GPC3: variants seen among roughly 807,000 people sequenced by gnomAD.
GPC3 encodes the protein glypican-3.
In GPC3, 3 loss-of-function variants were observed where a neutral mutation model predicts 34.4. The observed-to-expected ratio is 0.09, with a 90% CI of 0.04 to 0.23. The LOEUF (loss-of-function observed/expected upper bound fraction) is 0.23, where lower values mean the gene tolerates loss of function less well. Ranked by LOEUF, GPC3 falls within the 10% of genes least tolerant of loss-of-function variation. The pLI, the probability that GPC3 is intolerant of heterozygous loss-of-function variation, is 1.00. For missense variants in GPC3, 351 were observed against 445.6 expected, an observed-to-expected ratio of 0.79 and a Z score of 1.91; for synonymous variants, 177 against 174.0, an observed-to-expected ratio of 1.02 and a Z score of -0.13.
At chrX:133,909,991 C>G (rs1026983082) in intron 2 of GPC3, among the ~76,000 whole-genome samples, 5 of 111,476 alleles carry the variant, frequency 4.5e-5, no homozygotes, top group Non-Finnish European at 9.4e-5. Flanking sequence ...ATACTATGCC[C>G]AAAATGATTA....
chrX:133,714,208 C>T (rs1315167877), intron 3 of GPC3, among the ~76,000 whole-genome samples: 1 of 111,503 alleles, frequency 9.0e-6, no homozygotes, highest in Non-Finnish European at 1.9e-5. Flanking sequence ...CCAAATTTTC[C>T]TCAGTCAAAC....
chrX:133,688,262 C>T (rs1418988073), intron 5 of GPC3, among the ~76,000 whole-genome samples: 1 of 111,498 alleles, frequency 9.0e-6, no homozygotes, highest in Non-Finnish European at 1.9e-5. Context: ...CACATGGGCC[C>T]AGTTTGCTAA....
intron 3 of GPC3, among the ~76,000 whole-genome samples, chrX:133,716,475 C>CT (rs923144876): frequency 7.2e-5 from 8 of 111,112 alleles, no homozygotes; most frequent in South Asian, 7.5e-4. Context: ...ATAGAAATTA[C>CT]TTTTTTTTAA....
At chrX:133,547,940 T>C (rs112132580) in intron 7 of GPC3, among the ~76,000 whole-genome samples, 5,986 of 111,014 alleles carry the variant, frequency 0.054, 424 homozygotes, top group African/African-American at 0.19. Flanking sequence ...CGATTACAGG[T>C]GTGAGCCACC....
intron 2 of GPC3, among the ~76,000 whole-genome samples, chrX:133,862,392 A>T (rs1373966992): frequency 1.8e-5 from 2 of 109,943 alleles, no homozygotes; most frequent in Non-Finnish European, 3.8e-5. Context: ...AAAAAAAAAA[A>T]AATAGTGGCC....
intron 6 of GPC3, among the ~76,000 whole-genome samples, chrX:133,603,649 A>G (rs2070013091): frequency 8.9e-6 from 1 of 112,012 alleles, no homozygotes; most frequent in South Asian, 3.8e-4. Context: ...ATTTGATTAG[A>G]CAGGGAAACA....
intron 7 of GPC3, among the ~76,000 whole-genome samples, chrX:133,587,633 C>T (rs1360724529): frequency 1.8e-5 from 2 of 111,895 alleles, no homozygotes; most frequent in Non-Finnish European, 3.8e-5. Flanking sequence ...TTGGCTTGGA[C>T]ATTTGGAACT....
chrX:133,866,400 C>A (rs979160462), intron 2 of GPC3, among the ~76,000 whole-genome samples: 1 of 111,732 alleles, frequency 8.9e-6, no homozygotes, highest in Non-Finnish European at 1.9e-5. Context: ...AATGCAGTGA[C>A]CCTGGCAGTA....
At chrX:133,772,217 AT>A (rs992159076) in intron 2 of GPC3, among the ~76,000 whole-genome samples, 5 of 110,687 alleles carry the variant, frequency 4.5e-5, no homozygotes, top group East Asian at 2.8e-4. Flanking sequence ...TATACAGTAC[AT>A]TTTTTTTTAA....
intron 7 of GPC3, among the ~76,000 whole-genome samples, chrX:133,573,077 C>T: frequency 9.0e-6 from 1 of 111,175 alleles, no homozygotes; most frequent in Non-Finnish European, 1.9e-5. Context: ...CGGGATTTAT[C>T]CCAGGAATGC....
chrX:133,554,002 T>TTC (rs139778698), intron 7 of GPC3, among the ~76,000 whole-genome samples: 11,105 of 106,925 alleles, frequency 0.1, 776 homozygotes, highest in East Asian at 0.3. Flanking sequence ...ACTATCCTCT[T>TTC]TCTCTCTCTC....
chrX:133,681,107 T>C (rs747673673), intron 5 of GPC3, among the ~76,000 whole-genome samples: 3 of 112,131 alleles, frequency 2.7e-5, no homozygotes, highest in Admixed American at 9.4e-5. Context: ...GGCTTTTTTA[T>C]AGGTTTTTTT....
At chrX:133,659,214 T>C (rs2070695283) in intron 6 of GPC3, among the ~76,000 whole-genome samples, 1 of 112,732 alleles carries the variant, frequency 8.9e-6, no homozygotes, top group Non-Finnish European at 1.9e-5. Context: ...CCCAAAGTTA[T>C]GCGCCTAGCA....
chrX:133,804,028 A>AC (rs758418178), intron 2 of GPC3, among the ~76,000 whole-genome samples: 133 of 106,400 alleles, frequency 1.3e-3, no homozygotes, highest in South Asian at 3.0e-3. Context: ...ACAAATAATT[A>AC]CCCCCCCCTT....
intron 6 of GPC3, among the ~76,000 whole-genome samples, chrX:133,607,942 C>CA (rs1407350547): frequency 8.9e-6 from 1 of 112,725 alleles, no homozygotes; most frequent in East Asian, 2.8e-4. Context: ...GAGCCTCTGC[C>CA]AATTCCCAGA....
intron 2 of GPC3, among the ~76,000 whole-genome samples, chrX:133,794,684 G>T (rs774856165): frequency 9.6e-4 from 107 of 111,864 alleles, no homozygotes; most frequent in Non-Finnish European, 1.7e-3. Context: ...CTTCACAACC[G>T]CCTCACATGA....
At chrX:133,661,631 TCTCCCCCCC>T in intron 6 of GPC3, 90 bp downstream of exon 6, 1 of 11,416 alleles carries the variant, frequency 8.8e-5, no homozygotes, top group Non-Finnish European at 1.3e-4. Context: ...TCTCTCTCTC[TCTCCCCCCC>T]CCCTCTCTCT....
At chrX:133,787,423 A>G (rs2072112835) in intron 2 of GPC3, among the ~76,000 whole-genome samples, 1 of 112,646 alleles carries the variant, frequency 8.9e-6, no homozygotes, top group African/African-American at 3.2e-5. Flanking sequence ...TTTTTTCCCC[A>G]TTGTTGTAGA....
chrX:133,847,465 C>A (rs1184489078), intron 2 of GPC3, among the ~76,000 whole-genome samples: 1 of 112,273 alleles, frequency 8.9e-6, no homozygotes, highest in Non-Finnish European at 1.9e-5. Context: ...AAGCAGACAT[C>A]CGACTGCCTA....
Sources: allele counts gnomAD v4.1 joint callset (sites outside exome capture counted in the v4.1 genomes callset), GRCh38; gene constraint gnomAD v4.1.1; transcripts MANE v1.5; gene names NCBI Gene and HGNC (gene_info 2026-07-23, HGNC 2026-07-21).